The following ABCC9 variants were observed in gnomAD, a reference collection of about 807,000 sequenced individuals.
ABCC9 encodes ATP binding cassette subfamily C member 9.
Under a neutral mutation model 188.3 loss-of-function variants are expected in ABCC9, and 95 were observed. That is an observed-to-expected ratio of 0.50 (90% CI 0.43 to 0.60). ABCC9 has a LOEUF of 0.60. Ranked by LOEUF, ABCC9 falls within the 20% of genes least tolerant of loss-of-function variation. The pLI is 0.00. For missense variants in ABCC9, 1,102 were observed against 1,876.3 expected (o/e 0.59, Z 7.62); for synonymous variants, 659 against 652.7 (o/e 1.01, Z -0.15).
chr12:21,819,100 CT>C (rs1405922199), intron 31 of ABCC9, among the ~76,000 whole-genome samples: 1 of 152,142 alleles, frequency 6.6e-6, no homozygotes, highest in Non-Finnish European at 1.5e-5. Context: ...ATGGGAACAT[CT>C]GTCCATTTCC....
chr12:21,894,177 G>A lies in ABCC9; in HGVS notation c.1660-3C>T. On this transcript the variant is annotated splice_region_variant and splice_polypyrimidine_tract_variant and intron_variant, in intron 13 of 39. Transcript: ENST00000261200. The stretch of plus-strand genomic sequence containing the variant: ...GCATACGCATGGGTCACAAATGTCT[G>A]TGCAAAGAAAGGAGTTCTTTAGAGA... The A allele has an allele frequency of 2.5e-6, 4 of 1,613,966 alleles. No individual in the cohort carries two copies. The highest frequency in any genetic ancestry group is 3.4e-6 in the Non-Finnish European group (4 of 1,179,942).
intron 31 of ABCC9, among the ~76,000 whole-genome samples, chr12:21,823,562 T>G (rs1384527654): frequency 2.0e-5 from 3 of 152,230 alleles, no homozygotes; most frequent in African/African-American, 7.2e-5. Context: ...CATTTTCACT[T>G]TAGCCTGTTG....
intron 16 of ABCC9, among the ~76,000 whole-genome samples, chr12:21,879,026 G>T (rs960963864): frequency 1.3e-5 from 2 of 152,174 alleles, no homozygotes; most frequent in South Asian, 2.1e-4. Context: ...TCATAACGGG[G>T]TTTATGATAG....
intron 31 of ABCC9, among the ~76,000 whole-genome samples, chr12:21,821,896 C>T (rs929355462): frequency 6.6e-6 from 1 of 152,014 alleles, no homozygotes; most frequent in Non-Finnish European, 1.5e-5. Flanking sequence ...TTCTGGGCCC[C>T]TTTCACGTGG....
chr12:21,830,966 C>G (rs1165831247), intron 30 of ABCC9: 1 of 125,018 alleles, frequency 8.0e-6, no homozygotes, highest in Non-Finnish European at 1.7e-5. Context: ...GAACATGAAC[C>G]ATAAAGATTA....
At chr12:21,835,879 G>A (rs1250856975) in intron 30 of ABCC9, among the ~76,000 whole-genome samples, 1 of 152,030 alleles carries the variant, frequency 6.6e-6, no homozygotes, top group Non-Finnish European at 1.5e-5. Context: ...ATTACTACCT[G>A]TACATGTTCA....
intron 2 of ABCC9, 49 bp from the exon 3 acceptor site, chr12:21,936,743 T>G: frequency 7.2e-7 from 1 of 1,395,452 alleles, no homozygotes; most frequent in South Asian, 1.2e-5. Flanking sequence ...TAGTAAACTC[T>G]TGTTCATAAA....
chr12:21,859,175 C>T (rs886871222), intron 22 of ABCC9, among the ~76,000 whole-genome samples: 12 of 152,218 alleles, frequency 7.9e-5, no homozygotes, highest in African/African-American at 2.6e-4. Context: ...ATCCACAGCC[C>T]GAGTTGCACA....
At position 21,894,103 on chromosome 12, in the gene ABCC9, G is replaced by C. The variant is rs778581244; in HGVS notation, c.1731C>G (p.Leu577=). 1.2e-6 allele frequency: 2 copies of C among 1,613,974 alleles called. No individual in the cohort carries two copies. The highest frequency in any genetic ancestry group is 1.7e-6 in the Non-Finnish European group (2 of 1,180,012). The change falls in exon 14 of 40, where the codon CTC becomes CTG. Residue 577 remains leucine, a synonymous_variant. Transcript: ENST00000261200. ...ACAGTGGTGTGACCAGGATATGGAA[G>C]AGAGACAGTGAAGCAAAGGCCTCTG... The part of the protein sequence containing the change: ...KPAEAFASLS[L]FHILVTPLFL...
At chr12:21,903,925 A>C in intron 12 of ABCC9, among the ~76,000 whole-genome samples, 1 of 152,220 alleles carries the variant, frequency 6.6e-6, no homozygotes, top group Non-Finnish European at 1.5e-5. Flanking sequence ...AATTGAAAAA[A>C]ACTACTTTAA....
rs1944625581 is a variant in ABCC9 at position 21,845,705 on chromosome 12, A to G, written c.2994T>C (p.Ile998=). The G allele has an allele frequency of 2.5e-6, 4 of 1,613,816 alleles. No individual in the cohort carries two copies. The highest frequency in any genetic ancestry group is 1.1e-5 in the South Asian group (1 of 91,076). ...CCGAATGCTTCAAAAGCTTAGAGAA[A>G]ATCATCAGGATGAGCAGGAAGAATC... The part of the protein sequence containing the change: ...SGGFFLLILM[I]FSKLLKHSVI... Residue 998 remains isoleucine (I), a synonymous_variant, in exon 26 of 40, where the codon ATT becomes ATC. Transcript: ENST00000261200.
At chr12:21,894,806 C>A (rs763560374) in intron 13 of ABCC9, among the ~76,000 whole-genome samples, 1 of 151,986 alleles carries the variant, frequency 6.6e-6, no homozygotes, top group African/African-American at 2.4e-5. Flanking sequence ...TACCAGTTGC[C>A]GATTTTGTCA....
intron 5 of ABCC9, among the ~76,000 whole-genome samples, chr12:21,922,665 A>G (rs1050029023): frequency 1.3e-5 from 2 of 151,738 alleles, no homozygotes; most frequent in African/African-American, 4.8e-5. Context: ...GTGAAACCCA[A>G]TAGTGTGAAG....
chr12:21,878,256 T>C lies in ABCC9; in HGVS notation c.2020-2530A>G, dbSNP rs568787660. Among the ~76,000 whole-genome samples, 3 of 152,260 alleles carry C rather than the reference T, an allele frequency of 2.0e-5. No homozygotes were observed. In the East Asian group the frequency reaches 5.8e-4, roughly 29 times the overall value. ...ACTCAACCCAAGGTAGAACACACAATGGTGAAATTCTGATTTAGAGTTATG... is the reference window on the plus strand; with the variant it reads ...ACTCAACCCAAGGTAGAACACACAACGGTGAAATTCTGATTTAGAGTTATG... On this transcript the variant is annotated intron_variant, in intron 16 of 39. Transcript: ENST00000261200.
At chr12:21,920,681 C>A (rs899317544) in intron 5 of ABCC9, among the ~76,000 whole-genome samples, 2 of 151,862 alleles carry the variant, frequency 1.3e-5, no homozygotes, top group African/African-American at 4.8e-5. Context: ...AATTTTTGTA[C>A]CCATTAAACA....
Position 21,862,822 on chromosome 12 carries a change from G to A in ABCC9, c.2339+131C>T, listed in dbSNP as rs1455611711. On this transcript the variant is annotated intron_variant, in intron 20 of 39. Coordinates refer to ENST00000261200, the MANE Select transcript of ABCC9 (RefSeq NM_020297.4). The stretch of plus-strand genomic sequence containing the variant: ...AATTGATTCAAAAGACCTTGGTGAT[G>A]AGGATGAAAACGGGGCCAGCAGGAA... 1.0e-5 allele frequency: 7 copies of A among 669,902 alleles called. 1 individual carries two copies. The highest frequency in any genetic ancestry group is 7.6e-5 in the Admixed American group (3 of 39,244). The allele number at this position is 669,902 out of a possible 1,614,324, so 41.5% of individuals were successfully genotyped here. A position where few individuals can be genotyped will look rare whatever the true frequency, so the allele number is the denominator to read the frequency against.
chr12:21,814,541 C>T (rs1263452773), intron 35 of ABCC9, 103 bp downstream of exon 35: 33 of 958,150 alleles, frequency 3.4e-5, no homozygotes, highest in Non-Finnish European at 4.9e-5. Flanking sequence ...AGCACAAAGT[C>T]CTTATAAATA....
intron 16 of ABCC9, among the ~76,000 whole-genome samples, chr12:21,879,445 G>T (rs1412833246): frequency 2.6e-5 from 4 of 152,156 alleles, no homozygotes; most frequent in African/African-American, 9.7e-5. Context: ...CTGGGGCAAG[G>T]CGAGTGGGAA....
At chr12:21,908,484 G>A (rs1186474296) in intron 10 of ABCC9, among the ~76,000 whole-genome samples, 4 of 151,928 alleles carry the variant, frequency 2.6e-5, no homozygotes, top group Non-Finnish European at 4.4e-5. Flanking sequence ...TCAAACCAAT[G>A]TATTGCATGA....
Sources: gnomAD v4.1 joint callset for allele counts (sites outside exome capture counted in the v4.1 genomes callset) on GRCh38, gnomAD v4.1.1 for gene constraint, MANE v1.5 for transcripts, NCBI Gene and HGNC (gene_info 2026-07-23, HGNC 2026-07-21) for gene names.